PHLDB2: variants seen among roughly 807,000 people sequenced by gnomAD.
PHLDB2 encodes pleckstrin homology-like domain family B member 2.
In PHLDB2, 71 loss-of-function variants were observed where a neutral mutation model predicts 123.6. That is an observed-to-expected ratio of 0.57 (90% confidence interval 0.47 to 0.70). The LOEUF (loss-of-function observed/expected upper bound fraction) is 0.70, where lower values mean the gene tolerates loss of function less well. Among genes scored for constraint, PHLDB2 ranks in the 30% least tolerant of loss-of-function variants. The pLI is 0.00. For missense variants in PHLDB2, 1,446 were observed against 1,519.5 expected (o/e 0.95, Z 0.80); for synonymous variants, 547 against 541.6 (o/e 1.01, Z -0.14).
At chr3:111,850,834 G>A (rs1411144498) in intron 2 of PHLDB2, among the ~76,000 whole-genome samples, 1 of 152,096 alleles carries the variant, frequency 6.6e-6, no homozygotes, top group African/African-American at 2.4e-5. Context: ...AGAAATAAAT[G>A]CTTCAAACAA....
intron 2 of PHLDB2, among the ~76,000 whole-genome samples, chr3:111,852,762 AC>A (rs1473550020): frequency 6.4e-5 from 7 of 109,312 alleles, no homozygotes; most frequent in Non-Finnish European, 1.5e-4. Flanking sequence ...AGACACACAC[AC>A]ACACACACAC....
intron 1 of PHLDB2, among the ~76,000 whole-genome samples, chr3:111,793,719 G>A (rs983838092): frequency 4.0e-5 from 6 of 151,646 alleles, no homozygotes; most frequent in Admixed American, 3.3e-4. Context: ...AGGACTCTTT[G>A]GTCAGCAGGT....
intron 1 of PHLDB2, among the ~76,000 whole-genome samples, chr3:111,883,470 T>C (rs187917498): frequency 2.6e-4 from 40 of 152,346 alleles, no homozygotes; most frequent in African/African-American, 8.9e-4. Context: ...TTTTCTTTGT[T>C]ATTACCTACC....
At chr3:111,918,267 C>T (rs931550965) in intron 3 of PHLDB2, among the ~76,000 whole-genome samples, 6 of 152,216 alleles carry the variant, frequency 3.9e-5, no homozygotes, top group Non-Finnish European at 8.8e-5. Context: ...TAACTATGCA[C>T]TCTCTCACTT....
chr3:111,774,279 C>T (rs979753807), intron 1 of PHLDB2, among the ~76,000 whole-genome samples: 1 of 152,194 alleles, frequency 6.6e-6, no homozygotes, highest in Admixed American at 6.5e-5. Context: ...GAATGCATTT[C>T]ACAGCAGATG....
chr3:111,890,593 C>T (rs563573310), intron 2 of PHLDB2, among the ~76,000 whole-genome samples: 2 of 152,276 alleles, frequency 1.3e-5, no homozygotes, highest in South Asian at 4.1e-4. Context: ...TGGGGTAAAG[C>T]TGGTTCACTA....
At chr3:111,959,185 G>T (rs1352172514) in intron 12 of PHLDB2, among the ~76,000 whole-genome samples, 1 of 152,234 alleles carries the variant, frequency 6.6e-6, no homozygotes, top group Non-Finnish European at 1.5e-5. Flanking sequence ...CCAGGCCAGA[G>T]CCTGAATCCC....
chr3:111,827,538 T>G (rs987358228), intron 1 of PHLDB2, among the ~76,000 whole-genome samples: 1 of 151,728 alleles, frequency 6.6e-6, no homozygotes, highest in African/African-American at 2.4e-5. Context: ...AGCCGGGTGT[T>G]GTGGCAGGCG....
chr3:111,735,261 A>G (rs1941647673), intron 1 of PHLDB2, among the ~76,000 whole-genome samples: 1 of 152,202 alleles, frequency 6.6e-6, no homozygotes, highest in South Asian at 2.1e-4. Flanking sequence ...CCCTCCTGTC[A>G]AGGCTCTCAC....
chr3:111,837,423 TCTCA>T lies in PHLDB2; in HGVS notation c.-48-8397_-48-8394del, dbSNP rs528515811. On this transcript the variant is annotated intron_variant, in intron 1 of 17. Transcript: ENST00000393923. ...GAAGAGTGTGTTCTATATCAATCTCTCTCAAAGTCGTGCTCTTTGGGGTGCATAG... is the reference window on the plus strand; with the variant it reads ...GAAGAGTGTGTTCTATATCAATCTCTAAGTCGTGCTCTTTGGGGTGCATAG... 6.6e-5 allele frequency among the ~76,000 whole-genome samples: 10 copies of T among 152,254 alleles called. No homozygotes were observed. The East Asian group carries it at 1.9e-3, about 29-fold the overall frequency.
At chr3:111,856,111 A>T (rs2064495756), upstream of PHLDB2, among the ~76,000 whole-genome samples, 1 of 152,166 alleles carries the variant, frequency 6.6e-6, no homozygotes. Flanking sequence ...TCCATATATA[A>T]GTCTTGGAGT....
At chr3:111,784,553 TA>T (rs1445019430) in intron 1 of PHLDB2, among the ~76,000 whole-genome samples, 1 of 152,182 alleles carries the variant, frequency 6.6e-6, no homozygotes, top group African/African-American at 2.4e-5. Context: ...ATAAGCAGCA[TA>T]AGCAAGAACT....
At chr3:111,853,094 T>C (rs546964161) in intron 2 of PHLDB2, among the ~76,000 whole-genome samples, 32 of 152,300 alleles carry the variant, frequency 2.1e-4, no homozygotes, top group African/African-American at 7.5e-4. Flanking sequence ...TATTTATACT[T>C]TATCTATTTA....
At chr3:111,814,651 G>A (rs1442542723) in intron 1 of PHLDB2, among the ~76,000 whole-genome samples, 2 of 151,622 alleles carry the variant, frequency 1.3e-5, no homozygotes, top group African/African-American at 4.8e-5. Flanking sequence ...AAAGCAGAGA[G>A]GTGGGGGTTG....
intron 1 of PHLDB2, among the ~76,000 whole-genome samples, chr3:111,834,467 C>T (rs1183940443): frequency 6.7e-6 from 1 of 150,216 alleles, no homozygotes; most frequent in Non-Finnish European, 1.5e-5. Flanking sequence ...GTCAGTTTAT[C>T]TAGATTTACC....
rs753342670 is a variant in PHLDB2 at position 111,954,045 on chromosome 3, A to G, written c.2872+16A>G. The G allele has an allele frequency of 1.1e-5, 17 of 1,601,354 alleles. No individual in the cohort carries two copies. The highest frequency in any genetic ancestry group is 1.5e-5 in the Non-Finnish European group (17 of 1,169,276). On this transcript the variant is annotated intron_variant, in intron 12 of 17. Coordinates refer to ENST00000431670, the MANE Select transcript of PHLDB2 (RefSeq NM_001134438.2). ...ATGCTCAGAGGTACGTACCTTTTAA[A>G]TCAAGTGTCATGGCCTTTTGTTAAG...
intron 1 of PHLDB2, among the ~76,000 whole-genome samples, chr3:111,777,463 A>G (rs1261356120): frequency 2.0e-5 from 3 of 152,054 alleles, no homozygotes; most frequent in African/African-American, 7.2e-5. Flanking sequence ...ATTTCTTTTT[A>G]TCTTATTTTC....
chr3:111,735,126 G>A (rs1941642808), intron 1 of PHLDB2, among the ~76,000 whole-genome samples: 1 of 152,080 alleles, frequency 6.6e-6, no homozygotes, highest in Admixed American at 6.5e-5. Flanking sequence ...GAGAAGAAAT[G>A]ACCCTATCCC....
intron 1 of PHLDB2, among the ~76,000 whole-genome samples, chr3:111,871,661 C>A (rs1004198160): frequency 1.8e-4 from 17 of 92,732 alleles, no homozygotes; most frequent in Admixed American, 4.8e-4. Context: ...AACAAACAAA[C>A]AAAAAAAACT....
Sources: gnomAD v4.1 joint callset for allele counts (sites outside exome capture counted in the v4.1 genomes callset) on GRCh38, gnomAD v4.1.1 for gene constraint, MANE v1.5 for transcripts, NCBI Gene and HGNC (gene_info 2026-07-23, HGNC 2026-07-21) for gene names.